The following RTN1 variants were observed in gnomAD, a reference collection of about 807,000 sequenced individuals.
The protein encoded by RTN1 is reticulon-1.
In RTN1, 25 loss-of-function variants were observed where a neutral mutation model predicts 65.5. That is an observed-to-expected ratio of 0.38 (90% CI 0.28 to 0.53). The LOEUF (loss-of-function observed/expected upper bound fraction) is 0.53, where lower values mean the gene tolerates loss of function less well. Among genes scored for constraint, RTN1 ranks in the 20% least tolerant of loss-of-function variants. RTN1 has a pLI of 0.79. For missense variants in RTN1, 983 were observed against 1,025.4 expected, an observed-to-expected ratio of 0.96 and a Z score of 0.57; for synonymous variants, 471 against 447.6, an observed-to-expected ratio of 1.05 and a Z score of -0.66.
chr14:59,691,366 C>T (rs1456397796), intron 3 of RTN1, among the ~76,000 whole-genome samples: 4 of 152,094 alleles, frequency 2.6e-5, no homozygotes, highest in African/African-American at 7.2e-5. Context: ...AAACACACAA[C>T]CTCCCAAGAC....
chr14:59,762,081 G>A (rs1398783268), intron 1 of RTN1, among the ~76,000 whole-genome samples: 1 of 152,190 alleles, frequency 6.6e-6, no homozygotes, highest in Non-Finnish European at 1.5e-5. Context: ...GTGCTGTGCT[G>A]TGGCAAGACG....
chr14:59,603,660 T>C, intron 6 of RTN1, 192 bp downstream of exon 6: 1 of 358,100 alleles, frequency 2.8e-6, no homozygotes, highest in Non-Finnish European at 5.0e-6. Context: ...GACTTAGGAA[T>C]TCATTATTAG....
At chr14:59,651,551 A>G (rs1435099794) in intron 3 of RTN1, among the ~76,000 whole-genome samples, 2 of 152,132 alleles carry the variant, frequency 1.3e-5, no homozygotes, top group Non-Finnish European at 1.5e-5. Context: ...CAGCCTGGCT[A>G]ACATGGCAAA....
At chr14:59,664,131 G>A (rs1594663297) in intron 3 of RTN1, among the ~76,000 whole-genome samples, 1 of 152,162 alleles carries the variant, frequency 6.6e-6, no homozygotes, top group Non-Finnish European at 1.5e-5. Flanking sequence ...GGAATACTAT[G>A]TAGCCACAGC....
intron 1 of RTN1, among the ~76,000 whole-genome samples, chr14:59,813,855 G>A (rs985985216): frequency 1.3e-5 from 2 of 152,094 alleles, no homozygotes; most frequent in Non-Finnish European, 2.9e-5. Flanking sequence ...ACAAATGAAT[G>A]TATATAAATA....
At chr14:59,663,753 C>T (rs1883303350) in intron 3 of RTN1, among the ~76,000 whole-genome samples, 1 of 152,050 alleles carries the variant, frequency 6.6e-6, no homozygotes, top group African/African-American at 2.4e-5. Flanking sequence ...TCATTAGAGA[C>T]ATGCAAATCA....
intron 1 of RTN1, among the ~76,000 whole-genome samples, chr14:59,819,082 G>T (rs1006028784): frequency 6.6e-5 from 10 of 152,102 alleles, no homozygotes; most frequent in African/African-American, 1.9e-4. Flanking sequence ...CCGAGTCGTT[G>T]GTTCTTCCCG....
In RTN1 at chr14:59,836,292, C is replaced by T. The variant is rs982202427; in HGVS notation, c.241+34098G>A. On this transcript the variant is annotated intron_variant, in intron 1 of 8. Transcript: ENST00000267484. This position sits in a 1 kb window ranked among gnomAD's most constrained non-coding sequence, Gnocchi z 4.9. The stretch of plus-strand genomic sequence containing the variant: ...ACTGCAGTTAGCATTTTTGGATTCA[C>T]ATGTGCCAGGCATGCTGCCAAGGGC... Among the ~76,000 whole-genome samples the T allele has an allele frequency of 6.6e-6, 1 of 152,236 alleles. No homozygotes were observed. The highest frequency in any genetic ancestry group is 2.4e-5 in the African/African-American group (1 of 41,470).
At chr14:59,863,370 C>A (rs773071612) in intron 1 of RTN1, among the ~76,000 whole-genome samples, 1 of 152,102 alleles carries the variant, frequency 6.6e-6, no homozygotes, top group African/African-American at 2.4e-5. Context: ...AGATGTTTTT[C>A]CCGGCACTTT....
Position 59,727,375 on chromosome 14 carries a change from C to G in RTN1, c.1309G>C (p.Val437Leu). ...GCGGGCGAGGGCGGCGGGCCGCCCA[C>G]GTGGCCAAAGCTCACATAGCCTGAG... is the stretch of plus-strand genomic sequence containing the variant. Reference protein sequence around the residue: ...LPSGYVSFGHVGGPPPSPASP... With the variant: ...LPSGYVSFGHLGGPPPSPASP... The change falls in exon 3 of 9, where the codon GTG becomes CTG. Residue 437 changes from valine to leucine, a missense_variant. Val to Leu is a conservative substitution (Grantham distance 32, BLOSUM62 1). Transcript: ENST00000267484. This position sits in a 1 kb window ranked among gnomAD's most constrained non-coding sequence, Gnocchi z 4.2. 1.3e-6 allele frequency: 2 copies of G among 1,528,244 alleles called. No individual in the cohort carries two copies. The highest frequency in any genetic ancestry group is 2.7e-5 in the African/African-American group (2 of 72,818). 94.7% of individuals were successfully genotyped at this position (1,528,244 alleles called of 1,614,324 possible).
chr14:59,787,877 A>T (rs1205894061), intron 1 of RTN1, among the ~76,000 whole-genome samples: 2 of 152,196 alleles, frequency 1.3e-5, no homozygotes, highest in African/African-American at 4.8e-5. Context: ...ATCCTTCGGT[A>T]AATTATTTTA....
chr14:59,684,865 T>G (rs1488987597), intron 3 of RTN1, among the ~76,000 whole-genome samples: 1 of 152,082 alleles, frequency 6.6e-6, no homozygotes, highest in African/African-American at 2.4e-5. Context: ...TGTCTTCTCA[T>G]GTACAGTGCT....
chr14:59,765,103 T>G (rs1885825367), intron 1 of RTN1, among the ~76,000 whole-genome samples: 1 of 152,092 alleles, frequency 6.6e-6, no homozygotes. Flanking sequence ...ATGCTGTTCT[T>G]TGTGTTAAAC....
chr14:59,741,337 C>G (rs1885112655), intron 2 of RTN1, among the ~76,000 whole-genome samples: 1 of 152,166 alleles, frequency 6.6e-6, no homozygotes, highest in South Asian at 2.1e-4. Flanking sequence ...CTCGAAGAAG[C>G]CTCTCCTCAC....
chr14:59,669,868 T>C (rs1312635436), intron 3 of RTN1, among the ~76,000 whole-genome samples: 1 of 152,248 alleles, frequency 6.6e-6, no homozygotes, highest in African/African-American at 2.4e-5. Flanking sequence ...TCAGTAGCAC[T>C]GTTGTACCTC....
chr14:59,653,098 A>G (rs1883052060), intron 3 of RTN1, among the ~76,000 whole-genome samples: 2 of 152,310 alleles, frequency 1.3e-5, no homozygotes, highest in Non-Finnish European at 1.5e-5. Context: ...CGTAGTTTAA[A>G]GAGAGCCTCA....
At chr14:59,740,301 T>C (rs983659158) in intron 2 of RTN1, among the ~76,000 whole-genome samples, 7 of 152,166 alleles carry the variant, frequency 4.6e-5, no homozygotes, top group Non-Finnish European at 1.0e-4. Flanking sequence ...AGCTCAAAAC[T>C]GCCCTCAGAA....
Position 59,746,449 on chromosome 14 carries a change from T to C in RTN1, c.274A>G (p.Thr92Ala). The change falls in exon 2 of 9, where the codon ACC becomes GCC. Residue 92 changes from threonine to alanine, a missense_variant. By Grantham distance (58) the Thr-to-Ala change is moderately conservative. Transcript: ENST00000267484. Reference sequence around the variant, plus strand: ...CCATCTTTTGATGTTGTTGAGAAGGTGTGGTCCATGGCACTGGAAACACCT... The same window carrying C: ...CCATCTTTTGATGTTGTTGAGAAGGCGTGGTCCATGGCACTGGAAACACCT... ...VAGVSSAMDHTFSTTSKDGEG... is the reference protein window; with the variant it reads ...VAGVSSAMDHAFSTTSKDGEG... The C allele has an allele frequency of 1.2e-6, 2 of 1,605,142 alleles. No individual in the cohort carries two copies. The highest frequency in any genetic ancestry group is 1.7e-6 in the Non-Finnish European group (2 of 1,175,700).
Position 59,699,100 on chromosome 14 carries a change from T to C in RTN1, c.1765+27819A>G, listed in dbSNP as rs562191102. Among the ~76,000 whole-genome samples, 3 of 152,252 alleles carry C rather than the reference T, an allele frequency of 2.0e-5. No homozygotes were observed. In the South Asian group the frequency reaches 6.2e-4, roughly 32 times the overall value. On this transcript the variant is annotated intron_variant, in intron 3 of 8. Transcript: ENST00000267484. Reference sequence around the variant, plus strand: ...ATAGATGTTGCTGGAAACATAATTTTGGTGGCTGAAACTGCTGCACTTTTC... The same window carrying C: ...ATAGATGTTGCTGGAAACATAATTTCGGTGGCTGAAACTGCTGCACTTTTC...
Sources: allele counts gnomAD v4.1 joint callset (sites outside exome capture counted in the v4.1 genomes callset), GRCh38; gene constraint gnomAD v4.1.1; non-coding constraint Gnocchi (gnomAD v3.1); transcripts MANE v1.5; gene names NCBI Gene and HGNC (gene_info 2026-07-23, HGNC 2026-07-21).